Variants in RIMS3 observed in about 807,000 individuals in gnomAD.
RIMS3 encodes regulating synaptic membrane exocytosis protein 3.
In RIMS3, 15 loss-of-function variants were observed where a neutral mutation model predicts 29.2. That is an observed-to-expected ratio of 0.51 (90% CI 0.34 to 0.79). The LOEUF (loss-of-function observed/expected upper bound fraction) is 0.79, where lower values mean the gene tolerates loss of function less well. Among genes scored for constraint, RIMS3 ranks in the 30% least tolerant of loss-of-function variants. The pLI is 0.01. For missense variants in RIMS3, 342 were observed against 421.4 expected (o/e 0.81, Z 1.65); for synonymous variants, 161 against 170.1 (o/e 0.95, Z 0.41).
At chr1:40,670,235 A>G (rs1047213628), upstream of RIMS3, among the ~76,000 whole-genome samples, 1 of 152,136 alleles carries the variant, frequency 6.6e-6, no homozygotes, top group Admixed American at 6.6e-5. Flanking sequence ...CATGGAATTT[A>G]AAGCCTATGG....
the RIMS3 span, among the ~76,000 whole-genome samples, chr1:40,686,799 T>A: frequency 1.2e-4 from 18 of 152,352 alleles, no homozygotes; most frequent in East Asian, 3.5e-3. Context: ...TTGCTGATGA[T>A]GTGTTCAGGC....
chr1:40,688,438 T>G, the RIMS3 span, among the ~76,000 whole-genome samples: 2 of 152,188 alleles, frequency 1.3e-5, no homozygotes, highest in Admixed American at 1.3e-4. Context: ...ATTTTAATAG[T>G]AAGCAGAAAG....
the RIMS3 span, chr1:40,690,940 T>C: frequency 1.3e-5 from 2 of 152,244 alleles, no homozygotes; most frequent in Admixed American, 6.5e-5. Flanking sequence ...GTTATTCGGA[T>C]GGGGTTTTGA....
intron 1 of RIMS3, among the ~76,000 whole-genome samples, chr1:40,661,395 C>T (rs1477611011): frequency 6.6e-6 from 1 of 152,150 alleles, no homozygotes. Flanking sequence ...CCTCTTCCTA[C>T]CCCTACCCGA....
chr1:40,626,469 A>G lies in RIMS3; in HGVS notation c.*48T>C, dbSNP rs758364843. Reference sequence around the variant, plus strand: ...TATGTACAGGGGAGGACATGGGGCCAGCAGGCACCCCTCCCCACACCACCA... The same window carrying G: ...TATGTACAGGGGAGGACATGGGGCCGGCAGGCACCCCTCCCCACACCACCA... On this transcript the variant is annotated 3_prime_UTR_variant, in exon 8 of 8. Transcript: ENST00000372684. 1 of 1,502,258 alleles carries G rather than the reference A, an allele frequency of 6.7e-7. No homozygotes were observed. Among genetic ancestry groups the G allele is most frequent in the South Asian group, 1.2e-5 (1 of 83,946 alleles). The allele number at this position is 1,502,258 out of a possible 1,614,324, so 93.1% of individuals were successfully genotyped here. A position where few individuals can be genotyped will look rare whatever the true frequency, so the allele number is the denominator to read the frequency against.
At chr1:40,628,155 C>G (rs1290821255) in intron 7 of RIMS3, among the ~76,000 whole-genome samples, 4 of 152,160 alleles carry the variant, frequency 2.6e-5, no homozygotes, top group African/African-American at 9.7e-5. Context: ...TCACATCTAC[C>G]CGCGGCTAAT....
the RIMS3 span, among the ~76,000 whole-genome samples, chr1:40,685,739 T>G: frequency 1.3e-5 from 2 of 151,846 alleles, no homozygotes; most frequent in African/African-American, 2.4e-5. Flanking sequence ...GCTGGTAAAT[T>G]ACAATTTCCT....
In RIMS3 at chr1:40,637,638, G is replaced by A. The variant is rs146348983; in HGVS notation, c.218-1581C>T. Among the ~76,000 whole-genome samples, 224 of 152,234 alleles carry A rather than the reference G, an allele frequency of 1.5e-3. 3 individuals carry two copies. The highest frequency in any genetic ancestry group is 5.2e-3 in the African/African-American group (217 of 41,532). On this transcript the variant is annotated intron_variant, in intron 3 of 7. Coordinates refer to ENST00000372684, the MANE Select transcript of RIMS3 (RefSeq NM_014747.3). ...AGGCTACATGCAGGTTTATATCACA[G>A]TCACACAGTCACAAATGGTCCTACC...
chr1:40,628,935 C>G lies in RIMS3; in HGVS notation c.589G>C (p.Val197Leu). 1 of 1,613,348 alleles carries G rather than the reference C, an allele frequency of 6.2e-7. No homozygotes were observed. The highest frequency in any genetic ancestry group is 8.5e-7 in the Non-Finnish European group (1 of 1,180,030). The change falls in exon 7 of 8, where the codon GTT (valine) becomes CTT (leucine). Residue 197 changes from valine (V) to leucine (L), a missense_variant. Physicochemically the swap from Val to Leu is conservative, Grantham distance 32. Transcript: ENST00000372684. The stretch of plus-strand genomic sequence containing the variant: ...CAGGCCCCATTCTCCAGCAGGTAAA[C>G]CTTGATATAGGTGGCTAAGGGAGGA... The part of the protein sequence containing the change: ...SKSLPATYIK[V>L]YLLENGACLA...
At chr1:40,677,283 G>A in the RIMS3 span, among the ~76,000 whole-genome samples, 6 of 151,964 alleles carry the variant, frequency 3.9e-5, no homozygotes, top group Admixed American at 3.9e-4. Flanking sequence ...GGGATTACAG[G>A]TGTGAGCCAC....
chr1:40,628,218 A>G lies in RIMS3; in HGVS notation c.714+592T>C, dbSNP rs191528476. Among the ~76,000 whole-genome samples the G allele has an allele frequency of 8.5e-5, 13 of 152,322 alleles. No homozygotes were observed. The East Asian group carries it at 2.3e-3, about 27-fold the overall frequency. ...GACTGAGCCCAGAGACTGATCCACC[A>G]CTGTGCTTTATCCCCACGTGACCTC... On this transcript the variant is annotated intron_variant, in intron 7 of 7. Coordinates refer to ENST00000372684, the MANE Select transcript of RIMS3 (RefSeq NM_014747.3).
At chr1:40,670,957 A>G in the RIMS3 span, among the ~76,000 whole-genome samples, 1 of 152,102 alleles carries the variant, frequency 6.6e-6, no homozygotes, top group Admixed American at 6.5e-5. Flanking sequence ...AGAAAGTAGC[A>G]TTTTTTAAAT....
upstream of RIMS3, among the ~76,000 whole-genome samples, chr1:40,669,268 A>G (rs983739065): frequency 3.3e-5 from 5 of 152,236 alleles, no homozygotes; most frequent in Non-Finnish European, 5.9e-5. Context: ...CTGTATTCTT[A>G]TCTCCATTTG....
intron 1 of RIMS3, among the ~76,000 whole-genome samples, chr1:40,658,527 T>C (rs974930155): frequency 2.0e-5 from 3 of 152,216 alleles, no homozygotes; most frequent in African/African-American, 4.8e-5. Flanking sequence ...GCATGTCTCT[T>C]TGATCCTTCC....
intron 1 of RIMS3, among the ~76,000 whole-genome samples, chr1:40,663,372 G>A (rs56265209): frequency 0.25 from 38,678 of 152,064 alleles, 5,861 homozygotes; most frequent in Middle Eastern, 0.35. Flanking sequence ...AGGAGGCACT[G>A]AGGCAGCTGT....
rs1016290035 is a variant in RIMS3, at chr1:40,636,531, C to CACCTCTGAT, written c.218-483_218-475dup. On this transcript the variant is annotated intron_variant, in intron 3 of 7. Transcript: ENST00000372684. The surrounding 1 kb of genome is among the most constrained non-coding windows in gnomAD (Gnocchi z 4.2). ...CCTATCACACCCAGACCTCACAACT[C>CACCTCTGAT]ACCTCTGATACCTCTGGAGGCTCTA... Among the ~76,000 whole-genome samples the CACCTCTGAT allele has an allele frequency of 3.3e-5, 5 of 152,208 alleles. No individual in the cohort carries two copies. The highest frequency in any genetic ancestry group is 7.3e-5 in the Non-Finnish European group (5 of 68,034).
the RIMS3 span, among the ~76,000 whole-genome samples, chr1:40,689,927 G>A: frequency 1.8e-3 from 281 of 152,266 alleles, 3 homozygotes; most frequent in African/African-American, 6.3e-3. Flanking sequence ...TTAACACCTA[G>A]CACAGACGTA....
the RIMS3 span, among the ~76,000 whole-genome samples, chr1:40,689,127 T>C: frequency 6.6e-6 from 1 of 152,184 alleles, no homozygotes; most frequent in Non-Finnish European, 1.5e-5. Flanking sequence ...TTACAGGTTA[T>C]GTGTGTCAGC....
At chr1:40,683,309 A>C in the RIMS3 span, among the ~76,000 whole-genome samples, 3 of 152,264 alleles carry the variant, frequency 2.0e-5, no homozygotes, top group Non-Finnish European at 4.4e-5. Context: ...AACAACGTTG[A>C]GAAGTGGAAC....
Sources: allele counts gnomAD v4.1 joint callset (sites outside exome capture counted in the v4.1 genomes callset), GRCh38; gene constraint gnomAD v4.1.1; non-coding constraint Gnocchi (gnomAD v3.1); transcripts MANE v1.5; gene names NCBI Gene and HGNC (gene_info 2026-07-23, HGNC 2026-07-21).